The following SUPT3H variants were observed in gnomAD, a reference collection of about 807,000 sequenced individuals.
The protein encoded by SUPT3H is SPT3 homolog, SAGA and STAGA complex component.
A neutral mutation model predicts 44.3 loss-of-function variants in SUPT3H; 44 were observed. That is an observed-to-expected ratio of 0.99 (90% CI 0.78 to 1.28). The LOEUF (loss-of-function observed/expected upper bound fraction) is 1.28, where lower values mean the gene tolerates loss of function less well. Ranked by LOEUF, SUPT3H falls within the 50% of genes most tolerant of loss-of-function variation. The pLI, the probability that SUPT3H is intolerant of heterozygous loss-of-function variation, is 0.00. For synonymous variants in SUPT3H, 124 were observed against 125.6 expected (o/e 0.99, Z 0.09); for missense variants, 380 against 387.1 (o/e 0.98, Z 0.15).
chr6:45,018,689 G>C (rs1044849085), intron 4 of SUPT3H, among the ~76,000 whole-genome samples: 32 of 152,102 alleles, frequency 2.1e-4, no homozygotes, highest in Non-Finnish European at 3.4e-4. Context: ...GCATACCATG[G>C]ATGAAGCCCA....
At chr6:44,847,722 G>A (rs1042953281) in intron 10 of SUPT3H, among the ~76,000 whole-genome samples, 12 of 151,232 alleles carry the variant, frequency 7.9e-5, no homozygotes, top group East Asian at 2.0e-4. Flanking sequence ...TCCTGACCTC[G>A]GGTGATCCAC....
chr6:44,899,673 T>C (rs1432031950), intron 10 of SUPT3H, among the ~76,000 whole-genome samples: 1 of 152,042 alleles, frequency 6.6e-6, no homozygotes, highest in African/African-American at 2.4e-5. Flanking sequence ...GGCAACAGAG[T>C]GAGACTCGTC....
intron 10 of SUPT3H, among the ~76,000 whole-genome samples, chr6:44,884,072 C>T (rs1170518852): frequency 6.6e-6 from 1 of 152,132 alleles, no homozygotes; most frequent in Non-Finnish European, 1.5e-5. Context: ...AGTGAACAGA[C>T]AACCTACAGA....
intron 2 of SUPT3H, among the ~76,000 whole-genome samples, chr6:45,345,324 C>A (rs2150154929): frequency 6.6e-6 from 1 of 152,286 alleles, no homozygotes; most frequent in Non-Finnish European, 1.5e-5. Context: ...TGCCCCATCT[C>A]AGCAACCAGA....
intron 6 of SUPT3H, among the ~76,000 whole-genome samples, chr6:44,984,967 C>G (rs77411261): frequency 0.046 from 6,213 of 135,448 alleles, 175 homozygotes; most frequent in Non-Finnish European, 0.074. Flanking sequence ...AGAAAACAAG[C>G]TTGATGAAAG....
At chr6:44,929,177 T>C (rs1770135725) in intron 10 of SUPT3H, among the ~76,000 whole-genome samples, 2 of 152,076 alleles carry the variant, frequency 1.3e-5, no homozygotes, top group Non-Finnish European at 2.9e-5. Flanking sequence ...TTTAAATAAT[T>C]CCTAAGGTGA....
intron 9 of SUPT3H, among the ~76,000 whole-genome samples, chr6:44,952,515 C>A (rs1361500173): frequency 6.6e-6 from 1 of 152,172 alleles, no homozygotes; most frequent in African/African-American, 2.4e-5. Flanking sequence ...TATATTTCAA[C>A]CAACTTGATC....
intron 10 of SUPT3H, among the ~76,000 whole-genome samples, chr6:44,924,339 T>C (rs1769200037): frequency 6.6e-6 from 1 of 152,128 alleles, no homozygotes; most frequent in Non-Finnish European, 1.5e-5. Context: ...CATTAATGGA[T>C]ATAATATTCC....
In SUPT3H at chr6:44,954,147, A is replaced by G. The variant is rs1233750180; in HGVS notation, c.693+348T>C. Among the ~76,000 whole-genome samples, 11 of 152,314 alleles carry G rather than the reference A, an allele frequency of 7.2e-5. No homozygotes were observed. The East Asian group carries it at 2.1e-3, about 29-fold the overall frequency. Reference sequence around the variant, plus strand: ...GAGATTCCAGACCCAGAATTTGGTAAGTACTCCTAAATTCTCACATACGTA... The same window carrying G: ...GAGATTCCAGACCCAGAATTTGGTAGGTACTCCTAAATTCTCACATACGTA... On this transcript the variant is annotated intron_variant, in intron 8 of 10. Transcript: ENST00000371459.
chr6:45,367,753 A>T (rs949232961), intron 1 of SUPT3H, among the ~76,000 whole-genome samples: 3 of 152,158 alleles, frequency 2.0e-5, no homozygotes, highest in Non-Finnish European at 4.4e-5. Flanking sequence ...GTCCTGAGAC[A>T]CTGCTGGAGC....
intron 9 of SUPT3H, 129 bp downstream of exon 9, chr6:44,953,181 A>G: frequency 1.5e-6 from 1 of 676,500 alleles, no homozygotes; most frequent in East Asian, 2.8e-5. Context: ...TTGAATGTCT[A>G]ATGTATTAAG....
rs542722735 is a variant in SUPT3H at position 45,176,719 on chromosome 6, T to A, written c.102-70713A>T. 2.4e-3 allele frequency among the ~76,000 whole-genome samples: 373 copies of A among 152,308 alleles called. 2 individuals carry two copies. The highest frequency in any genetic ancestry group is 8.6e-3 in the African/African-American group (359 of 41,554). Reference sequence around the variant, plus strand: ...AGCAGTGGTTCTCCCAGCACCCAGCTGGAGATCTGAGAACAGGCAGACTGC... The same window carrying A: ...AGCAGTGGTTCTCCCAGCACCCAGCAGGAGATCTGAGAACAGGCAGACTGC... On this transcript the variant is annotated intron_variant, in intron 2 of 10. Transcript: ENST00000371459.
At chr6:44,911,420 A>G (rs924077967) in intron 10 of SUPT3H, among the ~76,000 whole-genome samples, 3 of 152,184 alleles carry the variant, frequency 2.0e-5, no homozygotes, top group African/African-American at 4.8e-5. Flanking sequence ...ACTCCTAGCA[A>G]TACATTCAAA....
intron 10 of SUPT3H, among the ~76,000 whole-genome samples, chr6:44,839,957 C>T (rs1276390872): frequency 1.3e-5 from 2 of 152,340 alleles, no homozygotes; most frequent in East Asian, 1.9e-4. Context: ...GCCTTGGCCT[C>T]CCAAAGTGCT....
chr6:44,884,377 G>A (rs1277203826), intron 10 of SUPT3H, among the ~76,000 whole-genome samples: 2 of 152,196 alleles, frequency 1.3e-5, no homozygotes, highest in Non-Finnish European at 2.9e-5. Flanking sequence ...AGGATGTGAA[G>A]AAATAGGAAC....
At chr6:45,139,016 A>C (rs2153588359) in intron 2 of SUPT3H, among the ~76,000 whole-genome samples, 1 of 152,316 alleles carries the variant, frequency 6.6e-6, no homozygotes, top group East Asian at 1.9e-4. Flanking sequence ...CTTAAATTGT[A>C]GAAGAAAAAA....
intron 2 of SUPT3H, among the ~76,000 whole-genome samples, chr6:45,250,318 G>A (rs1167549194): frequency 6.6e-6 from 1 of 151,088 alleles, no homozygotes; most frequent in Non-Finnish European, 1.5e-5. Context: ...AGACCCCAGA[G>A]GCTTTTCTTT....
intron 2 of SUPT3H, among the ~76,000 whole-genome samples, chr6:45,121,143 A>G (rs1801602260): frequency 6.6e-6 from 1 of 152,148 alleles, no homozygotes; most frequent in African/African-American, 2.4e-5. Flanking sequence ...AAACAGAAAA[A>G]TTCCACAAAA....
intron 2 of SUPT3H, among the ~76,000 whole-genome samples, chr6:45,320,836 C>G (rs9463084): frequency 0.98 from 149,192 of 152,288 alleles, 73,091 homozygotes; most frequent in Middle Eastern, 1. Flanking sequence ...TTAAAATACT[C>G]CTTGTAAAGT....
Sources: gnomAD v4.1 joint callset for allele counts (sites outside exome capture counted in the v4.1 genomes callset) on GRCh38, gnomAD v4.1.1 for gene constraint, MANE v1.5 for transcripts, NCBI Gene and HGNC (gene_info 2026-07-23, HGNC 2026-07-21) for gene names.